Variants in MSRB3 observed in about 807,000 individuals in gnomAD.
MSRB3 encodes the protein methionine-R-sulfoxide reductase B3.
Under a neutral mutation model 21.0 loss-of-function variants are expected in MSRB3, and 13 were observed. The ratio of observed to expected loss-of-function variants is 0.62; its 90% CI spans 0.40 to 0.98. The LOEUF (loss-of-function observed/expected upper bound fraction) is 0.98, where lower values mean the gene tolerates loss of function less well. Ranked by LOEUF, MSRB3 falls within the 50% of genes least tolerant of loss-of-function variation. The pLI is 0.00. For synonymous variants in MSRB3, 87 were observed against 88.6 expected (o/e 0.98, Z 0.10); for missense variants, 199 against 230.3 (o/e 0.86, Z 0.88).
chr12:65,311,493 T>C (rs186993281), intron 2 of MSRB3, among the ~76,000 whole-genome samples: 20 of 152,146 alleles, frequency 1.3e-4, no homozygotes, highest in Middle Eastern at 3.4e-3. Flanking sequence ...CTCTTAGATA[T>C]ATAGAAATGT....
intron 1 of MSRB3, among the ~76,000 whole-genome samples, chr12:65,302,052 A>G (rs1873366276): frequency 1.3e-5 from 2 of 152,122 alleles, no homozygotes; most frequent in Admixed American, 1.3e-4. Flanking sequence ...AAGTTTTACT[A>G]TTTTAAGAAT....
At chr12:65,303,813 G>A (rs971413636) in intron 1 of MSRB3, among the ~76,000 whole-genome samples, 2 of 152,112 alleles carry the variant, frequency 1.3e-5, no homozygotes, top group African/African-American at 4.8e-5. Context: ...TAGAATTGGA[G>A]GCGTTAGGAA....
In MSRB3 at chr12:65,424,016, G is replaced by T. The variant is rs111766496; in HGVS notation, c.293-29712G>T. On this transcript the variant is annotated intron_variant, in intron 5 of 6. Transcript: ENST00000308259. The stretch of plus-strand genomic sequence containing the variant: ...TATTACTTATTCAATGTCCTTCCTT[G>T]TGATTGGTCTCTTCACATTTTCTTT... Among the ~76,000 whole-genome samples, 1,047 of 152,226 alleles carry T rather than the reference G, an allele frequency of 6.9e-3. 7 individuals are homozygous for T. Among genetic ancestry groups the T allele is most frequent in the Middle Eastern group, 0.02 (6 of 294 alleles).
intron 5 of MSRB3, among the ~76,000 whole-genome samples, chr12:65,437,137 G>C (rs1882156070): frequency 2.0e-5 from 3 of 151,764 alleles, no homozygotes; most frequent in African/African-American, 7.3e-5. Flanking sequence ...TTTTGGTATG[G>C]ACAACTTGAG....
At chr12:65,417,590 G>T (rs2136636636) in intron 5 of MSRB3, among the ~76,000 whole-genome samples, 1 of 152,158 alleles carries the variant, frequency 6.6e-6, no homozygotes, top group Middle Eastern at 3.4e-3. Flanking sequence ...TAGGTCTCTT[G>T]AACTTATTTC....
chr12:65,449,151 C>T (rs923771122), intron 5 of MSRB3, among the ~76,000 whole-genome samples: 3 of 151,954 alleles, frequency 2.0e-5, no homozygotes, highest in African/African-American at 7.3e-5. Context: ...GCCTCAGCCT[C>T]CCGAGTAGCT....
At chr12:65,448,572 T>A (rs1433033143) in intron 5 of MSRB3, among the ~76,000 whole-genome samples, 1 of 152,192 alleles carries the variant, frequency 6.6e-6, no homozygotes, top group Non-Finnish European at 1.5e-5. Context: ...TCTGTGGAAA[T>A]CTTGGTGGAA....
chr12:65,439,613 A>G (rs1473952608), intron 5 of MSRB3, among the ~76,000 whole-genome samples: 4 of 151,662 alleles, frequency 2.6e-5, no homozygotes, highest in Non-Finnish European at 4.4e-5. Context: ...CTAGAGATAA[A>G]TATCTAACTC....
intron 4 of MSRB3, among the ~76,000 whole-genome samples, chr12:65,340,213 G>A (rs2136471645): frequency 6.6e-6 from 1 of 152,220 alleles, no homozygotes; most frequent in Non-Finnish European, 1.5e-5. Context: ...ATAACTGAAA[G>A]TATAAACACA....
At chr12:65,457,470 G>T (rs1338370359) in intron 6 of MSRB3, among the ~76,000 whole-genome samples, 1 of 152,106 alleles carries the variant, frequency 6.6e-6, no homozygotes, top group Non-Finnish European at 1.5e-5. Flanking sequence ...AACATGTGGT[G>T]TTTGGTTTTC....
intron 5 of MSRB3, among the ~76,000 whole-genome samples, chr12:65,393,055 G>T (rs563766870): frequency 6.6e-6 from 1 of 151,998 alleles, no homozygotes; most frequent in East Asian, 1.9e-4. Flanking sequence ...TTAGTGTTAT[G>T]TCTTGTGAAT....
At chr12:65,456,157 A>G (rs1223380355) in intron 6 of MSRB3, among the ~76,000 whole-genome samples, 1 of 152,066 alleles carries the variant, frequency 6.6e-6, no homozygotes, top group Non-Finnish European at 1.5e-5. Context: ...TATTTAGTAA[A>G]CCTCTTTTAA....
intron 2 of MSRB3, among the ~76,000 whole-genome samples, chr12:65,317,549 A>G (rs1404863922): frequency 6.6e-6 from 1 of 152,212 alleles, no homozygotes; most frequent in African/African-American, 2.4e-5. Flanking sequence ...CAAGAGGAAT[A>G]ACATGTTAGC....
intron 5 of MSRB3, among the ~76,000 whole-genome samples, chr12:65,394,768 T>A (rs557971079): frequency 2.2e-4 from 34 of 152,342 alleles, no homozygotes; most frequent in African/African-American, 7.9e-4. Flanking sequence ...GCAAGGTTGG[T>A]TTGACATTGA....
intron 5 of MSRB3, among the ~76,000 whole-genome samples, chr12:65,437,002 A>C (rs142892134): frequency 6.6e-6 from 1 of 151,966 alleles, no homozygotes; most frequent in African/African-American, 2.4e-5. Context: ...ACGACAATAA[A>C]TGTAAAGCAC....
intron 6 of MSRB3, 138 bp downstream of exon 6, chr12:65,453,963 G>A (rs1323881851): frequency 8.1e-6 from 6 of 739,198 alleles, no homozygotes; most frequent in South Asian, 7.3e-5. Flanking sequence ...TCCGATGGAT[G>A]CCTATGTTCA....
chr12:65,419,737 A>C, intron 5 of MSRB3: 1 of 975,038 alleles, frequency 1.0e-6, no homozygotes, highest in South Asian at 1.3e-5. Context: ...CACTCTGTCC[A>C]GGTAGTAGGC....
At chr12:65,431,750 A>C (rs1326657603) in intron 5 of MSRB3, among the ~76,000 whole-genome samples, 1 of 151,964 alleles carries the variant, frequency 6.6e-6, no homozygotes, top group East Asian at 1.9e-4. Context: ...TATAATACAC[A>C]CTCCGCTTAT....
At chr12:65,416,113 G>A (rs1880959747) in intron 5 of MSRB3, among the ~76,000 whole-genome samples, 1 of 152,206 alleles carries the variant, frequency 6.6e-6, no homozygotes, top group Non-Finnish European at 1.5e-5. Context: ...TCTTACAAAT[G>A]GTTTGCTTGT....
Sources: gnomAD v4.1 joint callset for allele counts (sites outside exome capture counted in the v4.1 genomes callset) on GRCh38, gnomAD v4.1.1 for gene constraint, MANE v1.5 for transcripts, NCBI Gene and HGNC (gene_info 2026-07-23, HGNC 2026-07-21) for gene names.